HPS4: variants seen among roughly 807,000 people sequenced by gnomAD.
HPS4 encodes the protein BLOC-3 complex member HPS4.
A neutral mutation model predicts 70.3 loss-of-function variants in HPS4; 44 were observed. The ratio of observed to expected loss-of-function variants is 0.63; its 90% CI spans 0.49 to 0.80. The LOEUF is 0.80. Among genes scored for constraint, HPS4 ranks in the 30% least tolerant of loss-of-function variants. The pLI, the probability that HPS4 is intolerant of heterozygous loss-of-function variation, is 0.00. For missense variants in HPS4, 873 were observed against 884.4 expected (o/e 0.99, Z 0.16); for synonymous variants, 377 against 355.9 (o/e 1.06, Z -0.67).
At chr22:26,457,320 G>A (rs1342350978) in intron 13 of HPS4, among the ~76,000 whole-genome samples, 1 of 148,328 alleles carries the variant, frequency 6.7e-6, no homozygotes, top group Admixed American at 6.9e-5. Flanking sequence ...GGGTTCAAGT[G>A]ATTCTCCTGC....
chr22:26,444,055 G>A (rs566593359), downstream of HPS4: 1 of 152,318 alleles, frequency 6.6e-6, no homozygotes, highest in African/African-American at 2.4e-5. Flanking sequence ...CCAGTTTTAG[G>A]TGTTTTGAGT....
At chr22:26,479,004 C>A (rs919246859) in intron 3 of HPS4, among the ~76,000 whole-genome samples, 1 of 152,058 alleles carries the variant, frequency 6.6e-6, no homozygotes, top group Non-Finnish European at 1.5e-5. Flanking sequence ...TTTTAAAAAC[C>A]AAGCTGATCA....
Position 26,452,488 on chromosome 22 carries a change from A to C in HPS4, c.*745T>G. 2.5e-6 allele frequency: 1 copy of C among 399,924 alleles called. No homozygotes were observed. Among genetic ancestry groups the C allele is most frequent in the South Asian group, 1.9e-5 (1 of 53,962 alleles). The allele number at this position is 399,924 out of a possible 1,614,324, so 24.8% of individuals were successfully genotyped here. A position where few individuals can be genotyped will look rare whatever the true frequency, so the allele number is the denominator to read the frequency against. On this transcript the variant is annotated 3_prime_UTR_variant, in exon 14 of 14. Transcript: ENST00000398145. ...TCGAGAGGAACCAGCTGCACGGCCC[A>C]CTTGTAGTCAAAGGCAGCGCAGGTT...
chr22:26,476,936 T>C, intron 4 of HPS4, 57 bp downstream of exon 4: 5 of 1,588,628 alleles, frequency 3.1e-6, no homozygotes, highest in Non-Finnish European at 4.3e-6. Flanking sequence ...AGAAACAACA[T>C]AACTTCCTAA....
In HPS4 at chr22:26,472,292, A is replaced by C. The variant is rs1008508298; in HGVS notation, c.501+10T>G. On this transcript the variant is annotated intron_variant, in intron 6 of 13. Coordinates refer to ENST00000398145, the MANE Select transcript of HPS4 (RefSeq NM_022081.6). ...ACATATAAAATGAATAAGGAGGATG[A>C]AAATGTTACTTTAGTTTGGTCCAAG... The C allele has an allele frequency of 3.4e-6, 5 of 1,482,452 alleles. No homozygotes were observed. The highest frequency in any genetic ancestry group is 4.7e-6 in the Non-Finnish European group (5 of 1,060,038). The allele number at this position is 1,482,452 out of a possible 1,614,324, so 91.8% of individuals were successfully genotyped here. A position where few individuals can be genotyped will look rare whatever the true frequency, so the allele number is the denominator to read the frequency against.
intron 1 of HPS4, among the ~76,000 whole-genome samples, 194 bp downstream of exon 1, chr22:26,483,480 G>A (rs1756042588): frequency 6.6e-6 from 1 of 152,250 alleles, no homozygotes; most frequent in Non-Finnish European, 1.5e-5. Context: ...AAAAGGGCCA[G>A]GAAGCTGCTG....
intron 2 of HPS4, chr22:26,479,676 T>C (rs1366236911): frequency 8.4e-7 from 1 of 1,189,284 alleles, no homozygotes; most frequent in Non-Finnish European, 1.0e-6. Flanking sequence ...TACAACCACA[T>C]GGTCTGATAC....
downstream of HPS4, chr22:26,444,139 C>T (rs1199911475): frequency 6.6e-6 from 1 of 151,898 alleles, no homozygotes; most frequent in African/African-American, 2.4e-5. Flanking sequence ...GCTCACCCAG[C>T]GACATTTGGG....
chr22:26,466,180 A>G (rs1040676674), intron 9 of HPS4, 46 bp downstream of exon 9: 4 of 1,613,298 alleles, frequency 2.5e-6, no homozygotes, highest in Non-Finnish European at 3.4e-6. Flanking sequence ...TAGGTAGCAT[A>G]AAAGACCGCC....
At chr22:26,444,241 CATTT>C (rs1263340046) in exon 4 of HPS4, 1 of 134,518 alleles carries the variant, frequency 7.4e-6, no homozygotes, top group Non-Finnish European at 1.6e-5. Context: ...TTTTTTTTTT[CATTT>C]ATTTGTCTGT....
chr22:26,450,132 G>A (rs903792040), downstream of HPS4, among the ~76,000 whole-genome samples: 6 of 152,084 alleles, frequency 3.9e-5, no homozygotes, highest in Admixed American at 1.3e-4. Flanking sequence ...TCATCTCTTC[G>A]TCTCAAGATC....
chr22:26,457,416 C>T (rs1292679852), intron 13 of HPS4, among the ~76,000 whole-genome samples: 1 of 152,084 alleles, frequency 6.6e-6, no homozygotes, highest in Non-Finnish European at 1.5e-5. Flanking sequence ...CAGGGTTTCA[C>T]CAGGTTGGCC....
chr22:26,458,086 C>T (rs1437525108), intron 12 of HPS4, 119 bp from the exon 13 acceptor site: 3 of 901,692 alleles, frequency 3.3e-6, no homozygotes, highest in South Asian at 2.8e-5. Context: ...AGTTGGCTGC[C>T]CGGGGCAGAG....
downstream of HPS4, among the ~76,000 whole-genome samples, chr22:26,450,435 C>T (rs1008170408): frequency 2.0e-5 from 3 of 152,214 alleles, 1 homozygote; most frequent in South Asian, 6.2e-4. Flanking sequence ...TCAACAAAGC[C>T]CCTGGGCTCC....
At chr22:26,475,897 G>A (rs1569115054) in intron 4 of HPS4, 1 of 152,090 alleles carries the variant, frequency 6.6e-6, no homozygotes, top group South Asian at 2.1e-4. Flanking sequence ...TAAAAAATTA[G>A]CCGGGCATGG....
chr22:26,483,379 T>C (rs754108551), intron 1 of HPS4, among the ~76,000 whole-genome samples: 11 of 152,090 alleles, frequency 7.2e-5, no homozygotes, highest in Admixed American at 1.3e-4. Context: ...TGGGAAGTAA[T>C]AGTAACAACG....
chr22:26,470,475 G>C (rs139763954), intron 7 of HPS4, among the ~76,000 whole-genome samples: 86 of 152,342 alleles, frequency 5.6e-4, no homozygotes, highest in Non-Finnish European at 6.6e-4. Context: ...CCCATACTGA[G>C]AATTATAGGG....
downstream of HPS4, among the ~76,000 whole-genome samples, chr22:26,447,656 C>T (rs1482952456): frequency 6.6e-6 from 1 of 152,026 alleles, no homozygotes; most frequent in African/African-American, 2.4e-5. Flanking sequence ...ACTCCCCAGC[C>T]GAATCTTGCT....
intron 3 of HPS4, chr22:26,444,934 C>A (rs940838903): frequency 6.6e-6 from 1 of 152,172 alleles, no homozygotes; most frequent in Non-Finnish European, 1.5e-5. Flanking sequence ...AACCAACAGC[C>A]CGCGCAGGTA....
Sources: allele counts gnomAD v4.1 joint callset (sites outside exome capture counted in the v4.1 genomes callset), GRCh38; gene constraint gnomAD v4.1.1; transcripts MANE v1.5; gene names NCBI Gene and HGNC (gene_info 2026-07-23, HGNC 2026-07-21).